Variants in ZMAT4 observed in about 807,000 individuals in gnomAD.
ZMAT4 encodes zinc finger matrin-type 4.
In ZMAT4, 17 loss-of-function variants were observed where a neutral mutation model predicts 28.7. The ratio of observed to expected loss-of-function variants is 0.59; its 90% CI spans 0.41 to 0.89. The LOEUF (loss-of-function observed/expected upper bound fraction) is 0.89, where lower values mean the gene tolerates loss of function less well. Ranked by LOEUF, ZMAT4 falls within the 40% of genes least tolerant of loss-of-function variation. The pLI is 0.00. For synonymous variants in ZMAT4, 117 were observed against 109.2 expected (o/e 1.07, Z -0.44); for missense variants, 240 against 283.8 (o/e 0.85, Z 1.11).
chr8:40,762,051 C>T (rs1364952076), intron 3 of ZMAT4, among the ~76,000 whole-genome samples: 2 of 152,192 alleles, frequency 1.3e-5, no homozygotes, highest in African/African-American at 4.8e-5. Flanking sequence ...TTGGTAAACG[C>T]ATCTGTCTTT....
chr8:40,644,131 A>G (rs1433873846), intron 5 of ZMAT4, among the ~76,000 whole-genome samples: 1 of 152,186 alleles, frequency 6.6e-6, no homozygotes, highest in Non-Finnish European at 1.5e-5. Flanking sequence ...AGCTTATAGT[A>G]GAGAAATGGA....
chr8:40,664,281 G>A (rs1049200899), intron 5 of ZMAT4, among the ~76,000 whole-genome samples: 1 of 152,124 alleles, frequency 6.6e-6, no homozygotes, highest in African/African-American at 2.4e-5. Flanking sequence ...AAACCCCAAG[G>A]AGAGGCCCAC....
chr8:40,573,255 A>T lies in ZMAT4; in HGVS notation c.674+7910T>A, dbSNP rs556823092. Among the ~76,000 whole-genome samples the T allele has an allele frequency of 3.9e-5, 6 of 152,278 alleles. No individual in the cohort carries two copies. In the East Asian group the frequency reaches 1.2e-3, roughly 29 times the overall value. ...CATAATGTGGGTAGTTTACAGCAGA[A>T]ATTCATTCTCTCCATAAGAGAAGAA... On this transcript the variant is annotated intron_variant, in intron 6 of 6. Transcript: ENST00000297737.
At chr8:40,713,982 T>C (rs1228882745) in intron 3 of ZMAT4, among the ~76,000 whole-genome samples, 18 of 144,102 alleles carry the variant, frequency 1.2e-4, no homozygotes, top group Admixed American at 1.2e-3. Context: ...AATATACATA[T>C]CCAATTTTAA....
At chr8:40,630,539 T>C (rs1806537028) in intron 5 of ZMAT4, among the ~76,000 whole-genome samples, 1 of 152,204 alleles carries the variant, frequency 6.6e-6, no homozygotes, top group African/African-American at 2.4e-5. Flanking sequence ...ATTAGTCTTG[T>C]GTTCAATCCT....
chr8:40,871,292 G>T (rs1817847762), intron 1 of ZMAT4, among the ~76,000 whole-genome samples: 1 of 152,170 alleles, frequency 6.6e-6, no homozygotes, highest in Admixed American at 6.5e-5. Context: ...AATGTCCAAA[G>T]ACTCCTTTCC....
chr8:40,780,605 A>G (rs552978162), intron 2 of ZMAT4, among the ~76,000 whole-genome samples: 1 of 152,380 alleles, frequency 6.6e-6, no homozygotes, highest in Non-Finnish European at 1.5e-5. Context: ...AATAAGAAAG[A>G]TAAGTATATT....
At chr8:40,733,217 T>G (rs1369464997) in intron 3 of ZMAT4, among the ~76,000 whole-genome samples, 1 of 152,152 alleles carries the variant, frequency 6.6e-6, no homozygotes, top group Non-Finnish European at 1.5e-5. Context: ...AATTCATCTT[T>G]GCAAGCAGAC....
chr8:40,697,216 C>G, intron 4 of ZMAT4, 29 bp downstream of exon 4: 1 of 1,544,886 alleles, frequency 6.5e-7, no homozygotes, highest in Non-Finnish European at 8.7e-7. Flanking sequence ...TTTTCAGGGT[C>G]TCCCCACGAT....
At chr8:40,548,977 G>T (rs1335533470) in intron 6 of ZMAT4, among the ~76,000 whole-genome samples, 1 of 152,178 alleles carries the variant, frequency 6.6e-6, no homozygotes, top group African/African-American at 2.4e-5. Context: ...CCCACCCACA[G>T]AATTCATATG....
intron 3 of ZMAT4, among the ~76,000 whole-genome samples, chr8:40,720,904 A>G (rs1162772205): frequency 2.0e-5 from 3 of 152,160 alleles, no homozygotes; most frequent in Non-Finnish European, 4.4e-5. Flanking sequence ...GGGGAAATAG[A>G]GGCTCAGAGG....
chr8:40,605,609 A>G (rs1255080829), intron 5 of ZMAT4, among the ~76,000 whole-genome samples: 1 of 152,156 alleles, frequency 6.6e-6, no homozygotes, highest in Non-Finnish European at 1.5e-5. Flanking sequence ...AGAATGTTCC[A>G]TGTGCTGATG....
intron 6 of ZMAT4, 31 bp from the exon 7 acceptor site, chr8:40,532,269 T>C: frequency 6.4e-7 from 1 of 1,566,218 alleles, no homozygotes; most frequent in Non-Finnish European, 8.7e-7. Flanking sequence ...CAGTGTTACC[T>C]TCTTTCATAA....
chr8:40,764,846 T>A (rs949607397), intron 3 of ZMAT4, among the ~76,000 whole-genome samples: 5 of 152,144 alleles, frequency 3.3e-5, no homozygotes, highest in South Asian at 2.1e-4. Flanking sequence ...TATTATTATT[T>A]TTAGAGACAG....
At chr8:40,660,851 T>C (rs1226031555) in intron 5 of ZMAT4, among the ~76,000 whole-genome samples, 1 of 152,230 alleles carries the variant, frequency 6.6e-6, no homozygotes, top group Non-Finnish European at 1.5e-5. Context: ...ATCTCTATGC[T>C]TTTATATACA....
chr8:40,649,239 G>A (rs1807509456), intron 5 of ZMAT4, among the ~76,000 whole-genome samples: 1 of 152,020 alleles, frequency 6.6e-6, no homozygotes, highest in Admixed American at 6.6e-5. Flanking sequence ...GATCTACCAA[G>A]CAAACGGAAA....
intron 5 of ZMAT4, among the ~76,000 whole-genome samples, chr8:40,610,069 AGTTT>A (rs1805738914): frequency 6.6e-6 from 1 of 152,246 alleles, no homozygotes; most frequent in Admixed American, 6.5e-5. Flanking sequence ...AATGCTACAT[AGTTT>A]ATTTCAATAA....
chr8:40,590,960 G>A (rs1256799837), intron 5 of ZMAT4, among the ~76,000 whole-genome samples: 1 of 152,080 alleles, frequency 6.6e-6, no homozygotes, highest in Non-Finnish European at 1.5e-5. Flanking sequence ...TTGGTTGGTT[G>A]TAACTGTCTA....
intron 3 of ZMAT4, among the ~76,000 whole-genome samples, chr8:40,744,685 G>A (rs567578637): frequency 8.3e-4 from 126 of 152,252 alleles, no homozygotes; most frequent in Non-Finnish European, 1.6e-3. Flanking sequence ...GGTAGTTTGA[G>A]ACTTGCATCT....
Sources: allele counts gnomAD v4.1 joint callset (sites outside exome capture counted in the v4.1 genomes callset), GRCh38; gene constraint gnomAD v4.1.1; transcripts MANE v1.5; gene names NCBI Gene and HGNC (gene_info 2026-07-23, HGNC 2026-07-21).